The following CENPP variants were observed in gnomAD, a reference collection of about 807,000 sequenced individuals.
CENPP encodes the protein centromere protein P.
Under a neutral mutation model 35.6 loss-of-function variants are expected in CENPP, and 24 were observed. The observed-to-expected ratio is 0.67, with a 90% CI of 0.49 to 0.95. CENPP has a LOEUF of 0.95. Ranked by LOEUF, CENPP falls within the 40% of genes least tolerant of loss-of-function variation. CENPP has a pLI of 0.00. For missense variants in CENPP, 332 were observed against 345.3 expected (o/e 0.96, Z 0.31); for synonymous variants, 120 against 125.5 (o/e 0.96, Z 0.29).
rs1475438701 is a variant in CENPP, at chr9:92,619,254, G to A, written c.*6105G>A. 10 of 511,922 alleles carry A rather than the reference G, an allele frequency of 2.0e-5. No homozygotes were observed. Among genetic ancestry groups the A allele is most frequent in the South Asian group, 8.1e-5 (3 of 36,876 alleles). 31.7% of individuals were successfully genotyped at this position (511,922 alleles called of 1,614,324 possible). ...TTCTTAGAAAACAGTAACTTTCAAT[G>A]TACTAACAATCCTTTTAAGTTATTC... is the stretch of plus-strand genomic sequence containing the variant. On this transcript the variant is annotated 3_prime_UTR_variant, in exon 8 of 8. Coordinates refer to ENST00000375587, the MANE Select transcript of CENPP (RefSeq NM_001012267.3).
In CENPP at chr9:92,552,182, CTATCATAT is replaced by C. The variant is rs1564000379; in HGVS notation, c.565-59131_565-59124del. 6.9e-3 allele frequency among the ~76,000 whole-genome samples: 789 copies of C among 115,000 alleles called. 8 individuals are homozygous for C. The highest frequency in any genetic ancestry group is 0.021 in the South Asian group (82 of 3,916). 75.4% of individuals were successfully genotyped at this position (115,000 alleles called of 152,430 possible). ...ATCATATATATGTGATATGATAGAT[CTATCATAT>C]ACACACACACACACACACACACACA... On this transcript the variant is annotated intron_variant, in intron 5 of 7. Transcript: ENST00000375587.
chr9:92,416,571 C>G, intron 5 of CENPP: 1 of 1,165,440 alleles, frequency 8.6e-7, no homozygotes, highest in Non-Finnish European at 1.2e-6. Context: ...TTTAAAAGAT[C>G]AGGATTCCAT....
At chr9:92,407,632 G>C (rs1843343094) in intron 5 of CENPP, among the ~76,000 whole-genome samples, 1 of 152,158 alleles carries the variant, frequency 6.6e-6, no homozygotes. Flanking sequence ...ATGAAGGCAA[G>C]GTCTTGCTCT....
At chr9:92,556,522 G>T (rs1226925383) in intron 5 of CENPP, among the ~76,000 whole-genome samples, 2 of 152,154 alleles carry the variant, frequency 1.3e-5, no homozygotes, top group African/African-American at 4.8e-5. Context: ...ACCAGTGTTA[G>T]GTGCAAATAT....
intron 5 of CENPP, among the ~76,000 whole-genome samples, chr9:92,412,975 C>CTTT (rs35323105): frequency 9.1e-4 from 41 of 45,266 alleles, no homozygotes; most frequent in African/African-American, 1.2e-3. Context: ...TGTAACTAAG[C>CTTT]TTTTTTTTTT....
intron 3 of CENPP, among the ~76,000 whole-genome samples, chr9:92,341,065 C>T (rs1250143185): frequency 3.3e-5 from 5 of 152,100 alleles, no homozygotes; most frequent in African/African-American, 1.2e-4. Flanking sequence ...AAACAGCCCC[C>T]CCAGGGGCGC....
At chr9:92,549,674 CTA>C (rs1849546476) in intron 5 of CENPP, among the ~76,000 whole-genome samples, 1 of 150,108 alleles carries the variant, frequency 6.7e-6, no homozygotes, top group African/African-American at 2.4e-5. Flanking sequence ...CAAAACAAAA[CTA>C]GATGACATTC....
At chr9:92,520,624 T>C (rs141871228) in intron 5 of CENPP, among the ~76,000 whole-genome samples, 64 of 152,222 alleles carry the variant, frequency 4.2e-4, no homozygotes, top group African/African-American at 1.5e-3. Flanking sequence ...CCCAAAAGAA[T>C]TGAAAATAGG....
At chr9:92,357,422 T>A (rs1337722441) in intron 4 of CENPP, among the ~76,000 whole-genome samples, 1 of 150,994 alleles carries the variant, frequency 6.6e-6, no homozygotes, top group African/African-American at 2.4e-5. Flanking sequence ...TTTGTTTTAT[T>A]TTTCTTTTCT....
intron 4 of CENPP, among the ~76,000 whole-genome samples, chr9:92,371,960 G>C (rs1588067969): frequency 6.9e-6 from 1 of 145,030 alleles, no homozygotes; most frequent in Admixed American, 6.8e-5. Flanking sequence ...TCACCTCCCG[G>C]GGTCAAGTGA....
chr9:92,548,492 AC>A (rs1232298155), intron 5 of CENPP, among the ~76,000 whole-genome samples: 3 of 152,224 alleles, frequency 2.0e-5, no homozygotes, highest in African/African-American at 7.2e-5. Flanking sequence ...GTTGGGCAAA[AC>A]TTTTCTACAA....
chr9:92,415,040 T>C (rs911407512), intron 5 of CENPP: 3 of 782,570 alleles, frequency 3.8e-6, no homozygotes, highest in Non-Finnish European at 5.8e-6. Flanking sequence ...TCTGATCTTA[T>C]ACTAATACAT....
At chr9:92,443,353 T>C (rs1844469667) in intron 5 of CENPP, among the ~76,000 whole-genome samples, 1 of 152,206 alleles carries the variant, frequency 6.6e-6, no homozygotes, top group South Asian at 2.1e-4. Context: ...TAATAGCCTC[T>C]GAGCTATCAG....
At chr9:92,607,157 T>C (rs1851104151) in intron 5 of CENPP, among the ~76,000 whole-genome samples, 1 of 152,090 alleles carries the variant, frequency 6.6e-6, no homozygotes, top group Non-Finnish European at 1.5e-5. Context: ...TATGATTCAT[T>C]AGAGTAAATT....
At chr9:92,580,769 AT>A (rs1389472257) in intron 5 of CENPP, among the ~76,000 whole-genome samples, 2 of 152,356 alleles carry the variant, frequency 1.3e-5, no homozygotes, top group East Asian at 1.9e-4. Flanking sequence ...GGATTCGTTA[AT>A]TTTTGAAGGG....
chr9:92,474,677 A>AT, intron 5 of CENPP: 1 of 1,614,044 alleles, frequency 6.2e-7, no homozygotes, highest in Non-Finnish European at 8.5e-7. Flanking sequence ...AAATGGACAC[A>AT]TTGGAAACAG....
At chr9:92,450,002 T>C (rs1343936503) in intron 5 of CENPP, among the ~76,000 whole-genome samples, 1 of 152,166 alleles carries the variant, frequency 6.6e-6, no homozygotes, top group African/African-American at 2.4e-5. Flanking sequence ...GGAAAATAGA[T>C]TAAGGAGAAT....
At chr9:92,522,909 A>G (rs747690252) in intron 5 of CENPP, 14 of 1,549,874 alleles carry the variant, frequency 9.0e-6, no homozygotes, top group Non-Finnish European at 1.1e-5. Flanking sequence ...ATGAAACAAT[A>G]TTTCAAAGTT....
intron 5 of CENPP, among the ~76,000 whole-genome samples, chr9:92,424,017 C>T (rs1234139988): frequency 1.3e-5 from 2 of 152,010 alleles, no homozygotes; most frequent in Admixed American, 6.5e-5. Context: ...ACTCATTATA[C>T]TACTTTATTT....
Sources: allele counts gnomAD v4.1 joint callset (sites outside exome capture counted in the v4.1 genomes callset), GRCh38; gene constraint gnomAD v4.1.1; transcripts MANE v1.5; gene names NCBI Gene and HGNC (gene_info 2026-07-23, HGNC 2026-07-21).